The following AGAP1 variants were observed in gnomAD, a reference collection of about 807,000 sequenced individuals.
AGAP1 encodes ArfGAP with GTPase domain, ankyrin repeat and PH domain 1, also known as arf-GAP with GTPase, ANK repeat and PH domain-containing protein 1.
In AGAP1, 29 loss-of-function variants were observed where a neutral mutation model predicts 105.3. The observed-to-expected ratio is 0.28, with a 90% CI of 0.21 to 0.38. The LOEUF (loss-of-function observed/expected upper bound fraction) is 0.38, where lower values mean the gene tolerates loss of function less well. Ranked by LOEUF, AGAP1 falls within the 10% of genes least tolerant of loss-of-function variation. AGAP1 has a pLI of 1.00. For synonymous variants in AGAP1, 509 were observed against 485.9 expected (o/e 1.05, Z -0.63); for missense variants, 998 against 1,165.1 (o/e 0.86, Z 2.09).
rs1353647302 is a variant in AGAP1 at position 236,082,211 on chromosome 2, T to C, written c.2114+32930T>C. 2.6e-5 allele frequency among the ~76,000 whole-genome samples: 4 copies of C among 152,240 alleles called. No individual in the cohort carries two copies. The highest frequency in any genetic ancestry group is 5.9e-5 in the Non-Finnish European group (4 of 68,044). ...CACCACGGGATATTTACAGCTTCAATCAGTGCCAAATTCAATTGGCTTCTG... is the reference window on the plus strand; with the variant it reads ...CACCACGGGATATTTACAGCTTCAACCAGTGCCAAATTCAATTGGCTTCTG... On this transcript the variant is annotated intron_variant, in intron 16 of 17. Coordinates refer to ENST00000304032, the MANE Select transcript of AGAP1 (RefSeq NM_001037131.3). This position sits in a 1 kb window ranked among gnomAD's most constrained non-coding sequence, Gnocchi z 4.2.
intron 6 of AGAP1, among the ~76,000 whole-genome samples, chr2:235,767,386 G>A (rs917275832): frequency 6.6e-5 from 10 of 152,198 alleles, no homozygotes; most frequent in Non-Finnish European, 1.0e-4. Flanking sequence ...GCGCACCAGC[G>A]AGCACCCGGG....
In AGAP1 at chr2:235,733,499, G is replaced by C. The variant is rs1245888153; in HGVS notation, c.311-7464G>C. 1.3e-5 allele frequency among the ~76,000 whole-genome samples: 2 copies of C among 152,194 alleles called. No homozygotes were observed. Among genetic ancestry groups the C allele is most frequent in the African/African-American group, 4.8e-5 (2 of 41,442 alleles). ...GCCGTGCCCCTTTTCCTGTTGGATG[G>C]TGAAGTTCCTTCCTTCTGGCTTTAA... On this transcript the variant is annotated intron_variant, in intron 3 of 17. Coordinates refer to ENST00000304032, the MANE Select transcript of AGAP1 (RefSeq NM_001037131.3). The surrounding 1 kb of genome is among the most constrained non-coding windows in gnomAD (Gnocchi z 5.0).
At chr2:235,707,937 C>T (rs995999676) in intron 1 of AGAP1, among the ~76,000 whole-genome samples, 3 of 150,286 alleles carry the variant, frequency 2.0e-5, no homozygotes, top group Admixed American at 6.6e-5. Context: ...GCTTCCCAAT[C>T]ATGTGACCTG....
At chr2:235,912,358 T>G (rs774098752) in intron 11 of AGAP1, among the ~76,000 whole-genome samples, 7 of 152,330 alleles carry the variant, frequency 4.6e-5, no homozygotes, top group Non-Finnish European at 8.8e-5. Flanking sequence ...GAGGCTACAT[T>G]TAAGAGACGG....
intron 9 of AGAP1, among the ~76,000 whole-genome samples, chr2:235,818,239 A>G (rs73998947): frequency 0.014 from 2,115 of 152,298 alleles, 51 homozygotes; most frequent in African/African-American, 0.049. Flanking sequence ...CCACCAACCT[A>G]AGATACAACT....
At chr2:235,709,632 A>G (rs887953314) in intron 2 of AGAP1, among the ~76,000 whole-genome samples, 1 of 152,158 alleles carries the variant, frequency 6.6e-6, no homozygotes, top group South Asian at 2.1e-4. Flanking sequence ...TCTTTGCAGG[A>G]TGTCACGGAA....
At chr2:235,790,947 C>T (rs184792005) in intron 6 of AGAP1, among the ~76,000 whole-genome samples, 13 of 152,306 alleles carry the variant, frequency 8.5e-5, no homozygotes, top group Admixed American at 7.2e-4. Flanking sequence ...TGCCATGGGT[C>T]CCATGGTTCA....
Position 236,092,427 on chromosome 2 carries a change from C to G in AGAP1, c.2115-27765C>G, listed in dbSNP as rs1313269193. On this transcript the variant is annotated intron_variant, in intron 16 of 17. Transcript: ENST00000304032. The surrounding 1 kb of genome is among the most constrained non-coding windows in gnomAD (Gnocchi z 4.7). ...GTTTTGTTTGTGACAGAGTCTCGCT[C>G]TGTCACCCAGGCTGGAGTGTAGTGG... Among the ~76,000 whole-genome samples the G allele has an allele frequency of 1.3e-5, 2 of 152,152 alleles. No homozygotes were observed.
intron 1 of AGAP1, among the ~76,000 whole-genome samples, chr2:235,541,190 C>CA (rs1943421707): frequency 6.6e-6 from 1 of 151,988 alleles, no homozygotes; most frequent in Admixed American, 6.5e-5. Flanking sequence ...CTCACACAAA[C>CA]AAGAATGAAC....
At chr2:235,671,840 C>A (rs969414997) in intron 1 of AGAP1, among the ~76,000 whole-genome samples, 1 of 152,184 alleles carries the variant, frequency 6.6e-6, no homozygotes, top group African/African-American at 2.4e-5. Context: ...ATATGTTATT[C>A]TCTGCAGGAA....
rs927043008 is a variant in AGAP1 at position 235,612,518 on chromosome 2, A to G, written c.164-96661A>G. 6.6e-5 allele frequency among the ~76,000 whole-genome samples: 10 copies of G among 152,224 alleles called. No individual in the cohort carries two copies. Among genetic ancestry groups the G allele is most frequent in the African/African-American group, 2.4e-4 (10 of 41,454 alleles). On this transcript the variant is annotated intron_variant, in intron 1 of 17. Coordinates refer to ENST00000304032, the MANE Select transcript of AGAP1 (RefSeq NM_001037131.3). The surrounding 1 kb of genome is among the most constrained non-coding windows in gnomAD (Gnocchi z 4.3). ...TGCCTTTGTACTTATTCAAACTGACAAATACTTACTTAATAGCTGATTGTA... is the reference window on the plus strand; with the variant it reads ...TGCCTTTGTACTTATTCAAACTGACGAATACTTACTTAATAGCTGATTGTA...
At chr2:235,776,051 AG>A (rs1360685915) in intron 6 of AGAP1, among the ~76,000 whole-genome samples, 2 of 152,114 alleles carry the variant, frequency 1.3e-5, no homozygotes, top group Non-Finnish European at 2.9e-5. Context: ...ACGGCTTAGG[AG>A]ACTGCGTTGT....
chr2:235,950,651 G>A (rs1025958606), intron 12 of AGAP1, among the ~76,000 whole-genome samples: 1 of 151,932 alleles, frequency 6.6e-6, no homozygotes, highest in Admixed American at 6.5e-5. Context: ...TCTGCTTCCT[G>A]CCGCATCCAC....
intron 6 of AGAP1, chr2:235,773,843 AAG>A: frequency 2.3e-6 from 1 of 436,604 alleles, no homozygotes; most frequent in Admixed American, 3.0e-5. Context: ...GCACCAAAAA[AAG>A]AAAAAAATCT....
chr2:235,963,490 G>A lies in AGAP1; in HGVS notation c.1484-4972G>A, dbSNP rs947019820. ...GACATCAAATAGATGGCCCTTTATC[G>A]TTTTCAGTTGTCAAAAATACGTGTG... On this transcript the variant is annotated intron_variant, in intron 12 of 17. Transcript: ENST00000304032. This position sits in a 1 kb window ranked among gnomAD's most constrained non-coding sequence, Gnocchi z 5.1. Among the ~76,000 whole-genome samples, 19 of 152,272 alleles carry A rather than the reference G, an allele frequency of 1.2e-4. No individual in the cohort carries two copies. Among genetic ancestry groups the A allele is most frequent in the Non-Finnish European group, 2.4e-4 (16 of 68,010 alleles).
chr2:236,028,759 T>C (rs2057132879), intron 13 of AGAP1, among the ~76,000 whole-genome samples: 1 of 152,170 alleles, frequency 6.6e-6, no homozygotes. Flanking sequence ...TTACAGTGGG[T>C]GTCCTTGTCT....
Position 235,994,525 on chromosome 2 carries a change from T to C in AGAP1, c.1645+25902T>C, listed in dbSNP as rs1306925105. Among the ~76,000 whole-genome samples the C allele has an allele frequency of 6.6e-6, 1 of 151,292 alleles. No homozygotes were observed. The highest frequency in any genetic ancestry group is 6.6e-5 in the Admixed American group (1 of 15,188). Reference sequence around the variant, plus strand: ...TGAAAGTTGAGAAGTAGGTCATCACTGTCATCGTCATAGTGGGGACACACT... The same window carrying C: ...TGAAAGTTGAGAAGTAGGTCATCACCGTCATCGTCATAGTGGGGACACACT... On this transcript the variant is annotated intron_variant, in intron 13 of 17. Coordinates refer to ENST00000304032, the MANE Select transcript of AGAP1 (RefSeq NM_001037131.3). The surrounding 1 kb of genome is among the most constrained non-coding windows in gnomAD (Gnocchi z 4.4).
In AGAP1 at chr2:235,747,071, T is replaced by C. The variant is rs893233140; in HGVS notation, c.538+2232T>C. Among the ~76,000 whole-genome samples the C allele has an allele frequency of 2.0e-5, 3 of 152,154 alleles. No homozygotes were observed. The South Asian group carries it at 6.2e-4, about 32-fold the overall frequency. ...GACACTCAGTGCATCCGTGGGTATGTGATAGGCATCTTAACAATGGCTGCT... is the reference window on the plus strand; with the variant it reads ...GACACTCAGTGCATCCGTGGGTATGCGATAGGCATCTTAACAATGGCTGCT... On this transcript the variant is annotated intron_variant, in intron 5 of 17. Transcript: ENST00000304032. The surrounding 1 kb of genome is among the most constrained non-coding windows in gnomAD (Gnocchi z 5.0).
At chr2:235,510,475 C>G (rs1341123329) in intron 1 of AGAP1, among the ~76,000 whole-genome samples, 1 of 152,110 alleles carries the variant, frequency 6.6e-6, no homozygotes, top group African/African-American at 2.4e-5. Context: ...GTTTCCAGTT[C>G]TTGGCTTTTA....
Sources: allele counts gnomAD v4.1 joint callset (sites outside exome capture counted in the v4.1 genomes callset), GRCh38; gene constraint gnomAD v4.1.1; non-coding constraint Gnocchi (gnomAD v3.1); transcripts MANE v1.5; gene names NCBI Gene and HGNC (gene_info 2026-07-23, HGNC 2026-07-21).